Variants in GOLGA8T observed in about 807,000 individuals in gnomAD.
GOLGA8T encodes golgin subfamily A member 8T.
In GOLGA8T, 17 loss-of-function variants were observed where a neutral mutation model predicts 52.0. The ratio of observed to expected loss-of-function variants is 0.33; its 90% confidence interval spans 0.22 to 0.49. GOLGA8T has a LOEUF of 0.49. Among genes scored for constraint, GOLGA8T ranks in the 20% least tolerant of loss-of-function variants. The pLI, the probability that GOLGA8T is intolerant of heterozygous loss-of-function variation, is 0.99. For synonymous variants in GOLGA8T, 67 were observed against 169.5 expected (o/e 0.40, Z 4.70); for missense variants, 154 against 462.1 (o/e 0.33, Z 6.11).
Position 30,141,051 on chromosome 15 carries a change from A to G in GOLGA8T, c.695A>G (p.Gln232Arg), listed in dbSNP as rs1175848105. The G allele has an allele frequency of 8.1e-7, 1 of 1,237,986 alleles. No individual in the cohort carries two copies. Among genetic ancestry groups the G allele is most frequent in the Non-Finnish European group, 1.1e-6 (1 of 874,318 alleles). 76.7% of individuals were successfully genotyped at this position (1,237,986 alleles called of 1,614,324 possible). ...VQLTQLKESF[Q>R]QVQLERDEYS... ...TTCTTGCAGTTGAAGGAGTCATTTCAACAAGTCCAATTAGAAAGAGATGAG... is the reference window on the plus strand; with the variant it reads ...TTCTTGCAGTTGAAGGAGTCATTTCGACAAGTCCAATTAGAAAGAGATGAG... The change falls in exon 10 of 19, where the codon CAA becomes CGA. Residue 232 changes from glutamine to arginine, a missense_variant. This residue lies in a region of GOLGA8T where 56 missense variants were observed against 134.2 expected (regional missense o/e 0.42). Coordinates refer to ENST00000569052, the MANE Select transcript of GOLGA8T (RefSeq NM_001355469.2).
In GOLGA8T at chr15:30,142,366, A is replaced by G. The variant is rs763004844; in HGVS notation, c.1184A>G (p.Gln395Arg). The G allele has an allele frequency of 5.6e-5, 86 of 1,541,780 alleles. 9 individuals are homozygous for G. The East Asian group carries it at 1.8e-3, about 33-fold the overall frequency. ...LQLEQQVKEL[Q>R]EKLGEEHLEA... ...TTGGAGCAGCAAGTAAAGGAGCTAC[A>G]GGAGAAGCTTGGCGAGGTGAAGGAG... is the stretch of plus-strand genomic sequence containing the variant. Residue 395 changes from glutamine (Q) to arginine (R), a missense_variant, in exon 13 of 19, where the codon CAG becomes CGG. Physicochemically the swap from Gln to Arg is conservative, Grantham distance 43. This residue lies in a region of GOLGA8T where 54 missense variants were observed against 51.5 expected (regional missense o/e 1.05). Coordinates refer to ENST00000569052, the MANE Select transcript of GOLGA8T (RefSeq NM_001355469.2).
In GOLGA8T at chr15:30,143,411, C is replaced by T. The variant is rs1595419356; in HGVS notation, c.1201-195C>T. Among the ~76,000 whole-genome samples, 2 of 124,854 alleles carry T rather than the reference C, an allele frequency of 1.6e-5. 1 individual carries two copies. Among genetic ancestry groups the T allele is most frequent in the East Asian group, 4.0e-4 (2 of 5,032 alleles). 81.9% of individuals were successfully genotyped at this position (124,854 alleles called of 152,430 possible). On this transcript the variant is annotated intron_variant, in intron 13 of 18. Transcript: ENST00000569052. ...CAGCAGCTGACCTGTTAGAAGGAGG[C>T]GCTGTACAGGCAGTGACTGCAACAG...
Position 30,141,238 on chromosome 15 carries a change from G to T in GOLGA8T, c.786+96G>T. 5 of 1,472,594 alleles carry T rather than the reference G, an allele frequency of 3.4e-6. No homozygotes were observed. The South Asian group carries it at 5.9e-5, about 17-fold the overall frequency. 91.2% of individuals were successfully genotyped at this position (1,472,594 alleles called of 1,614,324 possible). A position where few individuals can be genotyped will look rare whatever the true frequency, so the allele number is the denominator to read the frequency against. On this transcript the variant is annotated intron_variant, in intron 10 of 18. Transcript: ENST00000569052. ...GAATAGTAGAGCCAGAGGTGGTCAT[G>T]GGTCTGGGCTTTGTGGAGGTGGGGG...
chr15:30,148,367 C>A lies in GOLGA8T; in HGVS notation c.*2800C>A, dbSNP rs1387105892. Among the ~76,000 whole-genome samples, 4 of 129,420 alleles carry A rather than the reference C, an allele frequency of 3.1e-5. 1 individual carries two copies. The highest frequency in any genetic ancestry group is 1.6e-4 in the African/African-American group (4 of 24,986). The allele number at this position is 129,420 out of a possible 152,430, so 84.9% of individuals were successfully genotyped here. A position where few individuals can be genotyped will look rare whatever the true frequency, so the allele number is the denominator to read the frequency against. On this transcript the variant is annotated 3_prime_UTR_variant, in exon 19 of 19. Coordinates refer to ENST00000569052, the MANE Select transcript of GOLGA8T (RefSeq NM_001355469.2). ...TGAAAAAAAAAATCAGCTCTAAAACCAAAGCGATTTTAGAAAATTTGAAAA... is the reference window on the plus strand; with the variant it reads ...TGAAAAAAAAAATCAGCTCTAAAACAAAAGCGATTTTAGAAAATTTGAAAA...
rs750431342 is a variant in GOLGA8T at position 30,141,424 on chromosome 15, G to C, written c.873G>C (p.Met291Ile). The C allele has an allele frequency of 3.9e-5, 59 of 1,527,688 alleles. 10 individuals carry two copies. In the South Asian group the frequency reaches 6.7e-4, roughly 17 times the overall value. 94.6% of individuals were successfully genotyped at this position (1,527,688 alleles called of 1,614,324 possible). A position where few individuals can be genotyped will look rare whatever the true frequency, so the allele number is the denominator to read the frequency against. Residue 291 changes from methionine to isoleucine, a missense_variant and splice_region_variant, in exon 11 of 19, where the codon ATG (methionine) becomes ATC (isoleucine). This residue lies in a region of GOLGA8T where 56 missense variants were observed against 134.2 expected (regional missense o/e 0.42). Coordinates refer to ENST00000569052, the MANE Select transcript of GOLGA8T (RefSeq NM_001355469.2). ...GCTTGTCCAAACTCAAAAACCAGAT[G>C]GGTAAGATGGGGCTGGCATGACCTA... ...ERSLSKLKNQ[M>I]AEPLPPEPPA...
At chr15:30,144,563 C>T (rs1403739253) in intron 15 of GOLGA8T, among the ~76,000 whole-genome samples, 1,117 of 110,914 alleles carry the variant, frequency 0.01, 1 homozygote, top group African/African-American at 0.018. Flanking sequence ...CTGGCTCACC[C>T]GGTGGCCTCG....
At chr15:30,143,076 C>CT in intron 13 of GOLGA8T, among the ~76,000 whole-genome samples, 1 of 97,832 alleles carries the variant, frequency 1.0e-5, no homozygotes, top group Admixed American at 9.0e-5. Flanking sequence ...TAGCATTTTC[C>CT]TTACAGAGGT....
intron 2 of GOLGA8T, among the ~76,000 whole-genome samples, chr15:30,137,289 A>G (rs1221276834): frequency 1.8e-4 from 25 of 142,766 alleles, no homozygotes; most frequent in Admixed American, 6.3e-4. Flanking sequence ...GAGGCAAGAG[A>G]ATGGTGTGAA....
chr15:30,141,542 A>T, intron 11 of GOLGA8T, 117 bp downstream of exon 11: 1 of 734,708 alleles, frequency 1.4e-6, no homozygotes, highest in Admixed American at 2.1e-5. Flanking sequence ...AGGGAAAGAG[A>T]TCTGTGCCAG....
intron 2 of GOLGA8T, among the ~76,000 whole-genome samples, chr15:30,137,510 T>A (rs2140641277): frequency 7.6e-6 from 1 of 131,040 alleles, no homozygotes; most frequent in South Asian, 2.5e-4. Flanking sequence ...GAGGTGTTAT[T>A]GTTTCACTTC....
chr15:30,148,721 C>A lies in GOLGA8T; in HGVS notation c.*3154C>A, dbSNP rs2057848676. Among the ~76,000 whole-genome samples the A allele has an allele frequency of 6.8e-6, 1 of 147,344 alleles. No individual in the cohort carries two copies. Among genetic ancestry groups the A allele is most frequent in the African/African-American group, 2.6e-5 (1 of 38,566 alleles). ...CTTATTGACTGCTGGTGTGATGCCA[C>A]TGTAATGTAATAAATTATTAAATTG... On this transcript the variant is annotated 3_prime_UTR_variant, in exon 19 of 19. Coordinates refer to ENST00000569052, the MANE Select transcript of GOLGA8T (RefSeq NM_001355469.2).
At chr15:30,137,147 G>A (rs1371328344) in intron 2 of GOLGA8T, among the ~76,000 whole-genome samples, 162 bp downstream of exon 2, 6 of 144,332 alleles carry the variant, frequency 4.2e-5, no homozygotes, top group Admixed American at 1.4e-4. Flanking sequence ...GGAGGCCAAG[G>A]CAGGCGGATC....
Position 30,141,379 on chromosome 15 carries a change from G to A in GOLGA8T, c.828G>A (p.Arg276=). The A allele has an allele frequency of 6.5e-7, 1 of 1,543,914 alleles. No homozygotes were observed. Among genetic ancestry groups the A allele is most frequent in the Non-Finnish European group, 8.6e-7 (1 of 1,158,218 alleles). ...LKKEKQQDMR[R]VEELERSLSK... Reference sequence around the variant, plus strand: ...AAGAGAAGCAGCAAGATATGCGTCGGGTAGAGGAGCTGGAGAGGAGCTTGT... The same window carrying A: ...AAGAGAAGCAGCAAGATATGCGTCGAGTAGAGGAGCTGGAGAGGAGCTTGT... Residue 276 remains arginine, a synonymous_variant, in exon 11 of 19, where the codon CGG becomes CGA. Transcript: ENST00000569052.
At position 30,142,509 on chromosome 15, in the gene GOLGA8T, A is replaced by G. The variant is rs539272348; in HGVS notation, c.1200+127A>G. The stretch of plus-strand genomic sequence containing the variant: ...GGGGCTGGTGACCACAGCACCCCCC[A>G]GGGCAGTCCTGTTTCTTGCTTCCTG... On this transcript the variant is annotated intron_variant, in intron 13 of 18. Transcript: ENST00000569052. 116 of 1,508,554 alleles carry G rather than the reference A, an allele frequency of 7.7e-5. 3 individuals carry two copies. The highest frequency in any genetic ancestry group is 5.0e-4 in the Admixed American group (25 of 50,340). The allele number at this position is 1,508,554 out of a possible 1,614,324, so 93.4% of individuals were successfully genotyped here.
chr15:30,140,848 A>G lies in GOLGA8T; in HGVS notation c.598A>G (p.Ser200Gly), dbSNP rs2140645625. The G allele has an allele frequency of 6.4e-7, 1 of 1,564,950 alleles. No homozygotes were observed. Among genetic ancestry groups the G allele is most frequent in the Non-Finnish European group, 8.6e-7 (1 of 1,160,332 alleles). The change falls in exon 9 of 19, where the codon AGC becomes GGC. Residue 200 changes from serine (S) to glycine (G), a missense_variant. Coordinates refer to ENST00000569052, the MANE Select transcript of GOLGA8T (RefSeq NM_001355469.2). The part of the protein sequence containing the change: ...TQKKKANQLS[S>G]RSKARTEWKL... The stretch of plus-strand genomic sequence containing the variant: ...CTCACTCTTCACCATCCAGTTGTCC[A>G]GCCGCAGCAAAGCACGTACGGAGTG...
At position 30,137,247 on chromosome 15, in the gene GOLGA8T, G is replaced by A. The variant is rs1231643265; in HGVS notation, c.168+262G>A. On this transcript the variant is annotated intron_variant, in intron 2 of 18. Coordinates refer to ENST00000569052, the MANE Select transcript of GOLGA8T (RefSeq NM_001355469.2). ...AAAAACATTAGCCAAGCGTGGTGGC[G>A]TGTGCCTGTAGTCCCAGCTACTCAG... 5.8e-4 allele frequency among the ~76,000 whole-genome samples: 85 copies of A among 147,092 alleles called. 1 individual carries two copies. Among genetic ancestry groups the A allele is most frequent in the African/African-American group, 1.9e-3 (73 of 38,590 alleles).
chr15:30,140,758 G>A (rs980117222), intron 8 of GOLGA8T, 84 bp from the exon 9 acceptor site: 6 of 1,039,702 alleles, frequency 5.8e-6, no homozygotes, highest in Non-Finnish European at 7.2e-6. Context: ...TTGTATATTG[G>A]GCCTAGCCCT....
In GOLGA8T at chr15:30,142,056, C is replaced by G. The variant is rs1207676003; in HGVS notation, c.1129C>G (p.Pro377Ala). Residue 377 changes from proline to alanine, a missense_variant and splice_region_variant, in exon 12 of 19, where the codon CCG (proline) becomes GCG (alanine). Coordinates refer to ENST00000569052, the MANE Select transcript of GOLGA8T (RefSeq NM_001355469.2). ...LAKPQSVFEEPNNENKNALQL... is the reference protein window; with the variant it reads ...LAKPQSVFEEANNENKNALQL... Reference sequence around the variant, plus strand: ...CAAGCCACAGAGCGTCTTCGAGGAGCCGGTGCGTTGCCCAAACTGGGGAGC... The same window carrying G: ...CAAGCCACAGAGCGTCTTCGAGGAGGCGGTGCGTTGCCCAAACTGGGGAGC... 3 of 419,196 alleles carry G rather than the reference C, an allele frequency of 7.2e-6. No homozygotes were observed. The highest frequency in any genetic ancestry group is 1.1e-4 in the Admixed American group (2 of 18,794). 26.0% of individuals were successfully genotyped at this position (419,196 alleles called of 1,614,324 possible). A position where few individuals can be genotyped will look rare whatever the true frequency, so the allele number is the denominator to read the frequency against.
chr15:30,145,671 TC>T lies in GOLGA8T; in HGVS notation c.*105del. 1.1e-6 allele frequency: 1 copy of T among 952,260 alleles called. No homozygotes were observed. The allele number at this position is 952,260 out of a possible 1,614,324, so 59.0% of individuals were successfully genotyped here. ...CATTTACTTCCTTTGAATGTTAGAC[TC>T]ACTCATGATTATTTGTGTTTCTAAT... On this transcript the variant is annotated 3_prime_UTR_variant, in exon 19 of 19. Transcript: ENST00000569052.
Sources: gnomAD v4.1 joint callset for allele counts (sites outside exome capture counted in the v4.1 genomes callset) on GRCh38, gnomAD v4.1.1 for gene constraint, gnomAD v4.1.1 regional missense constraint, MANE v1.5 for transcripts, NCBI Gene and HGNC (gene_info 2026-07-23, HGNC 2026-07-21) for gene names.